Variants in ANXA8 observed in about 807,000 individuals in gnomAD.
ANXA8 encodes annexin A8, also known as VAC-beta.
A neutral mutation model predicts 26.8 loss-of-function variants in ANXA8; 9 were observed. The observed-to-expected ratio is 0.34, with a 90% CI of 0.20 to 0.59. The LOEUF (loss-of-function observed/expected upper bound fraction) is 0.59, where lower values mean the gene tolerates loss of function less well. Ranked by LOEUF, ANXA8 falls within the 20% of genes least tolerant of loss-of-function variation. The pLI, the probability that ANXA8 is intolerant of heterozygous loss-of-function variation, is 0.84. For missense variants in ANXA8, 83 were observed against 238.5 expected, an observed-to-expected ratio of 0.35 and a Z score of 4.29; for synonymous variants, 39 against 94.8, an observed-to-expected ratio of 0.41 and a Z score of 3.42.
At chr10:47,727,267 T>G in the ANXA8 span, among the ~76,000 whole-genome samples, 1 of 152,282 alleles carries the variant, frequency 6.6e-6, no homozygotes, top group African/African-American at 2.4e-5. Context: ...ATAATATATA[T>G]GAAGATAGTC....
At chr10:47,975,930 C>T in the ANXA8 span, among the ~76,000 whole-genome samples, 4 of 147,938 alleles carry the variant, frequency 2.7e-5, no homozygotes, top group Non-Finnish European at 6.1e-5. Flanking sequence ...AAAACTTAGA[C>T]TCAATATTCA....
the ANXA8 span, among the ~76,000 whole-genome samples, chr10:47,778,073 C>A: frequency 1.3e-5 from 2 of 151,924 alleles, no homozygotes; most frequent in Non-Finnish European, 2.9e-5. Context: ...TGGCTTTCTG[C>A]CTATTTGTGG....
chr10:47,644,747 A>T, the ANXA8 span, among the ~76,000 whole-genome samples: 2 of 151,094 alleles, frequency 1.3e-5, no homozygotes, highest in Admixed American at 6.6e-5. Context: ...TTATTTTATC[A>T]TTCAACCTAT....
the ANXA8 span, among the ~76,000 whole-genome samples, chr10:47,645,659 G>A: frequency 6.6e-6 from 1 of 151,532 alleles, no homozygotes; most frequent in Non-Finnish European, 1.5e-5. Flanking sequence ...AGTTTTACTG[G>A]GCTAAGGGTT....
chr10:47,673,579 C>G, the ANXA8 span, among the ~76,000 whole-genome samples: 2 of 150,946 alleles, frequency 1.3e-5, no homozygotes, highest in Non-Finnish European at 2.9e-5. Context: ...GCAAGGTGTG[C>G]GACTGGAGAG....
At chr10:47,958,178 C>T in the ANXA8 span, among the ~76,000 whole-genome samples, 2 of 150,186 alleles carry the variant, frequency 1.3e-5, no homozygotes, top group Non-Finnish European at 2.9e-5. Context: ...CCTAAGGACA[C>T]CTTAGAAGTG....
the ANXA8 span, among the ~76,000 whole-genome samples, chr10:47,658,286 T>TGAGGCA: frequency 0.067 from 10,044 of 150,560 alleles, 915 homozygotes; most frequent in African/African-American, 0.24. Context: ...CTTGGGAGGC[T>TGAGGCA]GAGGCAGGAG....
the ANXA8 span, among the ~76,000 whole-genome samples, chr10:47,514,152 C>T: frequency 7.0e-6 from 1 of 143,118 alleles, no homozygotes; most frequent in African/African-American, 2.6e-5. Context: ...TATCCAGAAT[C>T]TATGAGGAAC....
At chr10:47,951,257 G>A in the ANXA8 span, among the ~76,000 whole-genome samples, 2 of 150,734 alleles carry the variant, frequency 1.3e-5, no homozygotes, top group African/African-American at 4.9e-5. Flanking sequence ...TAGATAATCT[G>A]AATAGCTTTA....
At chr10:47,730,407 G>GTA in the ANXA8 span, 1 of 583,236 alleles carries the variant, frequency 1.7e-6, no homozygotes, top group Non-Finnish European at 3.0e-6. Context: ...TCCTGACATG[G>GTA]TAAAGCATGG....
the ANXA8 span, among the ~76,000 whole-genome samples, chr10:47,554,536 C>T: frequency 6.6e-6 from 1 of 150,620 alleles, no homozygotes; most frequent in Non-Finnish European, 1.5e-5. Context: ...CCTTGGAGCC[C>T]ATCTAATCCC....
the ANXA8 span, among the ~76,000 whole-genome samples, chr10:47,656,041 T>C: frequency 6.6e-6 from 1 of 151,582 alleles, no homozygotes; most frequent in Non-Finnish European, 1.5e-5. Flanking sequence ...GAACTTTTGC[T>C]CAAAGGCAGG....
chr10:47,584,208 C>A, the ANXA8 span, among the ~76,000 whole-genome samples: 1 of 149,598 alleles, frequency 6.7e-6, no homozygotes, highest in South Asian at 2.1e-4. Context: ...GGAAAACGCA[C>A]CCTCAAAACA....
chr10:47,564,989 G>C, the ANXA8 span: 1 of 1,063,792 alleles, frequency 9.4e-7, no homozygotes, highest in Non-Finnish European at 1.5e-6. Context: ...CCAAGTCATC[G>C]TCCACCGTCT....
chr10:47,529,168 T>A, the ANXA8 span, among the ~76,000 whole-genome samples: 1 of 143,940 alleles, frequency 6.9e-6, no homozygotes. Flanking sequence ...ATAATCACAA[T>A]AAAGTTTTAC....
the ANXA8 span, among the ~76,000 whole-genome samples, chr10:47,678,781 T>G: frequency 6.6e-6 from 1 of 150,996 alleles, no homozygotes; most frequent in African/African-American, 2.4e-5. Flanking sequence ...TGGCTCACAC[T>G]TGTAATCCTA....
the ANXA8 span, among the ~76,000 whole-genome samples, chr10:47,778,053 A>T: frequency 6.6e-6 from 1 of 152,000 alleles, no homozygotes; most frequent in Non-Finnish European, 1.5e-5. Flanking sequence ...ATGCCCCTTA[A>T]AATCTCAATT....
the ANXA8 span, among the ~76,000 whole-genome samples, chr10:47,674,475 A>G: frequency 6.6e-6 from 1 of 151,674 alleles, no homozygotes; most frequent in Non-Finnish European, 1.5e-5. Flanking sequence ...TACTGTCAAT[A>G]TGACTAATCA....
At chr10:47,976,679 T>C in the ANXA8 span, among the ~76,000 whole-genome samples, 2 of 148,852 alleles carry the variant, frequency 1.3e-5, no homozygotes, top group Admixed American at 6.8e-5. Flanking sequence ...CCTCAGAAAG[T>C]TGTTACTATT....
Sources: gnomAD v4.1 joint callset for allele counts (sites outside exome capture counted in the v4.1 genomes callset) on GRCh38, gnomAD v4.1.1 for gene constraint, MANE v1.5 for transcripts, NCBI Gene and HGNC (gene_info 2026-07-23, HGNC 2026-07-21) for gene names.